PCDHGA3: variants seen among roughly 807,000 people sequenced by gnomAD.
PCDHGA3 encodes the protein protocadherin gamma subfamily A, 3, also known as protocadherin gamma-A3.
PCDHGA3 carries 40 observed loss-of-function variants against 58.5 expected under a neutral mutation model. That is an observed-to-expected ratio of 0.68 (90% CI 0.53 to 0.89). The LOEUF (loss-of-function observed/expected upper bound fraction) is 0.89, where lower values mean the gene tolerates loss of function less well. PCDHGA3 is among the 40% of genes least tolerant of loss of function. The pLI is 0.00. For missense variants in PCDHGA3, 1,223 were observed against 1,195.9 expected (o/e 1.02, Z -0.33); for synonymous variants, 530 against 525.7 (o/e 1.01, Z -0.11).
At chr5:141,350,516 A>G in intron 1 of PCDHGA3, 2 of 1,614,046 alleles carry the variant, frequency 1.2e-6, no homozygotes, top group Non-Finnish European at 1.7e-6. Context: ...AGTGAACGGT[A>G]GGATAGATCG....
At chr5:141,398,517 G>C (rs754431224) in intron 1 of PCDHGA3, 38 of 1,592,096 alleles carry the variant, frequency 2.4e-5, no homozygotes, top group Non-Finnish European at 3.1e-5. Flanking sequence ...ATGACCACAC[G>C]CCAAAATTCA....
chr5:141,381,826 C>CTTTTTTTTTTTTTTTTTT (rs770630741), intron 1 of PCDHGA3, among the ~76,000 whole-genome samples: 6 of 74,288 alleles, frequency 8.1e-5, no homozygotes, highest in East Asian at 3.6e-4. Flanking sequence ...CTTTCTTCTT[C>CTTTTTTTTTTTTTTTTTT]TTTTTTTTTT....
At chr5:141,395,179 A>G in intron 1 of PCDHGA3, 1 of 1,614,164 alleles carries the variant, frequency 6.2e-7, no homozygotes, top group Non-Finnish European at 8.5e-7. Flanking sequence ...GAGAAAAATG[A>G]TTCTTTGTTA....
At chr5:141,426,586 G>A (rs2096944939) in intron 1 of PCDHGA3, 1 of 363,442 alleles carries the variant, frequency 2.8e-6, no homozygotes, top group African/African-American at 2.1e-5. Flanking sequence ...AAAATCCTCT[G>A]TGTCATACCC....
rs1759709417 is a variant in PCDHGA3, at chr5:141,355,082, G to T, written c.2424+8625G>T. The T allele has an allele frequency of 4.9e-6, 7 of 1,429,210 alleles. No homozygotes were observed. In the East Asian group the frequency reaches 1.4e-4, roughly 29 times the overall value. The allele number at this position is 1,429,210 out of a possible 1,614,324, so 88.5% of individuals were successfully genotyped here. On this transcript the variant is annotated intron_variant, in intron 1 of 3. Coordinates refer to ENST00000253812, the MANE Select transcript of PCDHGA3 (RefSeq NM_018916.4). Reference sequence around the variant, plus strand: ...CTGGAGCTTTATGAAAGCTTCAAGCGGAAGCCCTGAGAGCTCTGGCTGTGA... The same window carrying T: ...CTGGAGCTTTATGAAAGCTTCAAGCTGAAGCCCTGAGAGCTCTGGCTGTGA...
intron 1 of PCDHGA3, chr5:141,388,774 G>A: frequency 3.1e-6 from 5 of 1,613,878 alleles, no homozygotes; most frequent in Non-Finnish European, 4.2e-6. Flanking sequence ...TCTAACACCG[G>A]GGAAATTACT....
Position 141,490,820 on chromosome 5 carries a change from T to G in PCDHGA3, c.2425-3987T>G. On this transcript the variant is annotated intron_variant, in intron 1 of 3. Transcript: ENST00000253812. The surrounding 1 kb of genome is among the most constrained non-coding windows in gnomAD (Gnocchi z 5.4). ...CAGCGTACCTTTGACTATGAATTGC[T>G]GCAGATGCTGCAGATTGTGGTGGGG... 6.2e-7 allele frequency: 1 copy of G among 1,613,820 alleles called. No homozygotes were observed. Among genetic ancestry groups the G allele is most frequent in the Non-Finnish European group, 8.5e-7 (1 of 1,179,768 alleles).
chr5:141,399,799 G>A lies in PCDHGA3; in HGVS notation c.2424+53342G>A, dbSNP rs768345936. The A allele has an allele frequency of 8.7e-6, 14 of 1,613,236 alleles. No homozygotes were observed. The South Asian group carries it at 1.5e-4, about 18-fold the overall frequency. On this transcript the variant is annotated intron_variant, in intron 1 of 3. Transcript: ENST00000253812. The stretch of plus-strand genomic sequence containing the variant: ...CGACCGAAACGACAACGCACCGCGG[G>A]TGCTGTACCCCGCGCTGGGTCCCGA...
chr5:141,469,855 G>T (rs1272105046), intron 1 of PCDHGA3, among the ~76,000 whole-genome samples: 4 of 152,186 alleles, frequency 2.6e-5, no homozygotes, highest in Non-Finnish European at 4.4e-5. Flanking sequence ...TTCAGACCGG[G>T]TGCAATGGCT....
In PCDHGA3 at chr5:141,487,762, T is replaced by C; in HGVS notation, c.2425-7045T>C. 6.5e-7 allele frequency: 1 copy of C among 1,545,432 alleles called. No homozygotes were observed. The highest frequency in any genetic ancestry group is 8.8e-7 in the Non-Finnish European group (1 of 1,142,332). ...TAAGAGGTAACTATGTGGTAGACGC[T>C]GTGCTTTGTAACTGTTTCGTGAATT... On this transcript the variant is annotated intron_variant, in intron 1 of 3. Coordinates refer to ENST00000253812, the MANE Select transcript of PCDHGA3 (RefSeq NM_018916.4). The surrounding 1 kb of genome is among the most constrained non-coding windows in gnomAD (Gnocchi z 5.0).
At chr5:141,358,572 T>C (rs534832026) in intron 1 of PCDHGA3, among the ~76,000 whole-genome samples, 6 of 152,362 alleles carry the variant, frequency 3.9e-5, no homozygotes, top group South Asian at 4.1e-4. Context: ...GAAGTGACTA[T>C]GTGTGATTCC....
Position 141,485,844 on chromosome 5 carries a change from G to A in PCDHGA3, c.2425-8963G>A, listed in dbSNP as rs201857404. On this transcript the variant is annotated intron_variant, in intron 1 of 3. Transcript: ENST00000253812. The surrounding 1 kb of genome is among the most constrained non-coding windows in gnomAD (Gnocchi z 5.7). ...GATGGAGGGAACCCGCCGAGATCTGGCACCGCAGAGCTCCGGGTATCCGTG... is the reference window on the plus strand; with the variant it reads ...GATGGAGGGAACCCGCCGAGATCTGACACCGCAGAGCTCCGGGTATCCGTG... 6 of 1,613,890 alleles carry A rather than the reference G, an allele frequency of 3.7e-6. No homozygotes were observed. In the East Asian group the frequency reaches 1.1e-4, roughly 30 times the overall value.
intron 1 of PCDHGA3, chr5:141,360,588 A>C (rs1761664531): frequency 1.2e-6 from 2 of 1,613,888 alleles, no homozygotes; most frequent in Non-Finnish European, 1.7e-6. Context: ...CAGGTACAAC[A>C]TTTCCACTTG....
intron 1 of PCDHGA3, chr5:141,418,613 C>T (rs759701663): frequency 9.9e-6 from 16 of 1,613,892 alleles, no homozygotes; most frequent in Non-Finnish European, 1.4e-5. Context: ...GGTTAGCCTT[C>T]GGGAAGACGT....
chr5:141,415,203 G>C (rs2095843560), intron 1 of PCDHGA3: 24 of 1,614,032 alleles, frequency 1.5e-5, no homozygotes, highest in Non-Finnish European at 2.0e-5. Flanking sequence ...CCCAAGTCCT[G>C]GCGGACCTCG....
At chr5:141,479,866 A>G (rs1020197891) in intron 1 of PCDHGA3, among the ~76,000 whole-genome samples, 2 of 152,204 alleles carry the variant, frequency 1.3e-5, no homozygotes, top group African/African-American at 2.4e-5. Context: ...TTTGCCCTGG[A>G]GAGAACCCTA....
Position 141,350,196 on chromosome 5 carries a change from A to G in PCDHGA3, c.2424+3739A>G, listed in dbSNP as rs1019506208. On this transcript the variant is annotated intron_variant, in intron 1 of 3. Transcript: ENST00000253812. ...TCCTAAGCTCAAATCACAGAAGTCC[A>G]GGGTGCTGCCATTTCTTTTTGAAAA... 5.4e-5 allele frequency: 76 copies of G among 1,414,712 alleles called. 1 individual carries two copies. Among genetic ancestry groups the G allele is most frequent in the Non-Finnish European group, 7.0e-5 (75 of 1,064,100 alleles). 87.6% of individuals were successfully genotyped at this position (1,414,712 alleles called of 1,614,324 possible).
Position 141,491,925 on chromosome 5 carries a change from G to C in PCDHGA3, c.2425-2882G>C. On this transcript the variant is annotated intron_variant, in intron 1 of 3. Coordinates refer to ENST00000253812, the MANE Select transcript of PCDHGA3 (RefSeq NM_018916.4). This position sits in a 1 kb window ranked among gnomAD's most constrained non-coding sequence, Gnocchi z 6.9. ...GGGTGGTGGCGACTGTGGGCGAGGG[G>C]AGGTGGGACCGACCCCCACCCCTAC... 1 of 1,325,176 alleles carries C rather than the reference G, an allele frequency of 7.5e-7. No individual in the cohort carries two copies. Among genetic ancestry groups the C allele is most frequent in the Non-Finnish European group, 1.0e-6 (1 of 987,300 alleles). The allele number at this position is 1,325,176 out of a possible 1,614,324, so 82.1% of individuals were successfully genotyped here.
intron 1 of PCDHGA3, chr5:141,357,378 C>G: frequency 1.2e-6 from 2 of 1,614,214 alleles, no homozygotes; most frequent in South Asian, 2.2e-5. Flanking sequence ...GCCTGCTTCA[C>G]GCTGAAGGCA....
Sources: allele counts gnomAD v4.1 joint callset (sites outside exome capture counted in the v4.1 genomes callset), GRCh38; gene constraint gnomAD v4.1.1; non-coding constraint Gnocchi (gnomAD v3.1); transcripts MANE v1.5; gene names NCBI Gene and HGNC (gene_info 2026-07-23, HGNC 2026-07-21).